Variants in TAB2 observed in about 807,000 individuals in gnomAD.
The protein encoded by TAB2 is TGF-beta activated kinase 1 (MAP3K7) binding protein 2.
Under a neutral mutation model 65.0 loss-of-function variants are expected in TAB2, and 3 were observed. The ratio of observed to expected loss-of-function variants is 0.05; its 90% CI spans 0.02 to 0.12. The LOEUF is 0.12. Ranked by LOEUF, TAB2 falls within the 10% of genes least tolerant of loss-of-function variation. TAB2 has a pLI of 1.00. For synonymous variants in TAB2, 298 were observed against 285.1 expected, an observed-to-expected ratio of 1.05 and a Z score of -0.46; for missense variants, 623 against 840.3, an observed-to-expected ratio of 0.74 and a Z score of 3.20.
chr6:149,270,556 G>GT (rs1342047067), intron 1 of TAB2, among the ~76,000 whole-genome samples: 6 of 152,172 alleles, frequency 3.9e-5, no homozygotes, highest in Non-Finnish European at 5.9e-5. Context: ...TCATGAACAT[G>GT]TTAATTAGCT....
intron 1 of TAB2, among the ~76,000 whole-genome samples, chr6:149,265,484 C>T (rs1433387851): frequency 6.6e-6 from 1 of 152,124 alleles, no homozygotes; most frequent in Non-Finnish European, 1.5e-5. Flanking sequence ...GAAATCATAA[C>T]CAATAGCTCG....
intron 1 of TAB2, among the ~76,000 whole-genome samples, chr6:149,366,728 C>T (rs1781052468): frequency 6.6e-6 from 1 of 152,092 alleles, no homozygotes; most frequent in Admixed American, 6.6e-5. Context: ...AGGCGTTACT[C>T]AGCCATCACA....
chr6:149,223,364 A>G (rs188268633), intron 1 of TAB2, among the ~76,000 whole-genome samples: 27 of 152,342 alleles, frequency 1.8e-4, no homozygotes, highest in African/African-American at 6.5e-4. Flanking sequence ...TGTGCAGCTA[A>G]ACAGAAATTA....
chr6:149,228,176 T>TA (rs960137849), intron 1 of TAB2, among the ~76,000 whole-genome samples: 5 of 152,124 alleles, frequency 3.3e-5, no homozygotes, highest in South Asian at 2.1e-4. Context: ...ATTTAAAATT[T>TA]AAAAAAAATC....
intron 1 of TAB2, among the ~76,000 whole-genome samples, chr6:149,227,748 T>C (rs993931606): frequency 1.3e-5 from 2 of 152,206 alleles, no homozygotes; most frequent in African/African-American, 4.8e-5. Flanking sequence ...TATTTACAAA[T>C]GAAATGATTT....
At chr6:149,231,952 G>C (rs1777413963) in intron 1 of TAB2, among the ~76,000 whole-genome samples, 1 of 152,178 alleles carries the variant, frequency 6.6e-6, no homozygotes, top group African/African-American at 2.4e-5. Flanking sequence ...CAGAGCAACG[G>C]GTTACTGGCA....
At chr6:149,287,944 T>C (rs1410507462) in intron 1 of TAB2, among the ~76,000 whole-genome samples, 1 of 152,222 alleles carries the variant, frequency 6.6e-6, no homozygotes, top group Non-Finnish European at 1.5e-5. Context: ...TTTGATGCAC[T>C]CCTAAAAACG....
chr6:149,281,828 C>T (rs1022157512), intron 1 of TAB2, among the ~76,000 whole-genome samples: 1 of 151,766 alleles, frequency 6.6e-6, no homozygotes, highest in African/African-American at 2.4e-5. Context: ...AACAGCACAA[C>T]CCAACAATAT....
chr6:149,279,871 G>T (rs993900053), intron 1 of TAB2, among the ~76,000 whole-genome samples: 2 of 151,960 alleles, frequency 1.3e-5, no homozygotes, highest in African/African-American at 4.8e-5. Flanking sequence ...CCCCTTCTGT[G>T]CTCCTCATCT....
intron 1 of TAB2, among the ~76,000 whole-genome samples, chr6:149,265,713 G>T (rs534054375): frequency 6.6e-6 from 1 of 152,170 alleles, no homozygotes; most frequent in Non-Finnish European, 1.5e-5. Context: ...GTAAGACTGG[G>T]GTTCAACGCC....
chr6:149,332,345 G>A (rs1362140826), intron 1 of TAB2, among the ~76,000 whole-genome samples: 2 of 152,176 alleles, frequency 1.3e-5, no homozygotes, highest in Non-Finnish European at 2.9e-5. Flanking sequence ...AACTATACCT[G>A]TGACTGCTTT....
rs576462998 is a variant in TAB2, at chr6:149,410,041, C to G, written c.*322C>G. 2.8e-6 allele frequency: 1 copy of G among 353,888 alleles called. No homozygotes were observed. The highest frequency in any genetic ancestry group is 5.2e-6 in the Non-Finnish European group (1 of 190,832). 21.9% of individuals were successfully genotyped at this position (353,888 alleles called of 1,614,324 possible). A position where few individuals can be genotyped will look rare whatever the true frequency, so the allele number is the denominator to read the frequency against. On this transcript the variant is annotated 3_prime_UTR_variant, in exon 7 of 7. Coordinates refer to ENST00000637181, the MANE Select transcript of TAB2 (RefSeq NM_001292034.3). ...TAGGTGTTCCCAATACCTTTTTCCC[C>G]TCATGTCACTACTGAATTTTGACAG...
chr6:149,318,010 CA>C lies in TAB2; in HGVS notation c.-92del. The C allele has an allele frequency of 5.8e-6, 1 of 171,534 alleles. No homozygotes were observed. Among genetic ancestry groups the C allele is most frequent in the Non-Finnish European group, 1.2e-5 (1 of 80,800 alleles). The allele number at this position is 171,534 out of a possible 1,614,324, so 10.6% of individuals were successfully genotyped here. On this transcript the variant is annotated 5_prime_UTR_variant, in exon 1 of 7. Transcript: ENST00000637181. ...GAGGAGGAGGGGGAAGCGGCGGCGG[CA>C]AAGGGTAAGCGGACAGCGCTGCCGG...
chr6:149,404,587 T>C (rs1027471028), intron 6 of TAB2, among the ~76,000 whole-genome samples: 2 of 152,170 alleles, frequency 1.3e-5, no homozygotes, highest in East Asian at 1.9e-4. Flanking sequence ...AACAGACATA[T>C]TGACCAATGG....
chr6:149,369,967 G>C lies in TAB2; in HGVS notation c.-31G>C, dbSNP rs760492590. The C allele has an allele frequency of 6.0e-5, 94 of 1,574,598 alleles. No homozygotes were observed. Among genetic ancestry groups the C allele is most frequent in the Non-Finnish European group, 4.4e-5 (50 of 1,144,288 alleles). ...CCACTAAGGCCTAGAATTGCCTACTGTACAAATAGTCCTGATCAGGCAATA... is the reference window on the plus strand; with the variant it reads ...CCACTAAGGCCTAGAATTGCCTACTCTACAAATAGTCCTGATCAGGCAATA... On this transcript the variant is annotated 5_prime_UTR_variant, in exon 2 of 7. Coordinates refer to ENST00000637181, the MANE Select transcript of TAB2 (RefSeq NM_001292034.3).
intron 1 of TAB2, among the ~76,000 whole-genome samples, chr6:149,281,997 A>G (rs1778584340): frequency 6.6e-6 from 1 of 152,184 alleles, no homozygotes; most frequent in African/African-American, 2.4e-5. Flanking sequence ...GGAAACTTGC[A>G]TTTCTTATAA....
chr6:149,345,018 T>C (rs1780248196), intron 1 of TAB2, among the ~76,000 whole-genome samples: 1 of 152,204 alleles, frequency 6.6e-6, no homozygotes. Context: ...TTGTGTTTAT[T>C]GGGAGACTCT....
intron 1 of TAB2, among the ~76,000 whole-genome samples, chr6:149,274,392 C>G (rs868655311): frequency 6.6e-6 from 1 of 152,228 alleles, no homozygotes; most frequent in African/African-American, 2.4e-5. Flanking sequence ...ATTACCTTAG[C>G]TTTCCATACC....
intron 3 of TAB2, among the ~76,000 whole-genome samples, chr6:149,386,181 C>A (rs1426532327): frequency 6.6e-6 from 1 of 152,166 alleles, no homozygotes; most frequent in African/African-American, 2.4e-5. Context: ...ACATACTCTA[C>A]AATATGTCTG....
Sources: allele counts gnomAD v4.1 joint callset (sites outside exome capture counted in the v4.1 genomes callset), GRCh38; gene constraint gnomAD v4.1.1; transcripts MANE v1.5; gene names NCBI Gene and HGNC (gene_info 2026-07-23, HGNC 2026-07-21).